Variants in CCNYL1 observed in about 807,000 individuals in gnomAD.
CCNYL1 encodes cyclin-Y-like protein 1.
CCNYL1 carries 16 observed loss-of-function variants against 44.2 expected under a neutral mutation model. That is an observed-to-expected ratio of 0.36 (90% confidence interval 0.25 to 0.55). The LOEUF (loss-of-function observed/expected upper bound fraction) is 0.55. Ranked by LOEUF, CCNYL1 falls within the 20% of genes least tolerant of loss-of-function variation. CCNYL1 has a pLI of 0.85. For missense variants in CCNYL1, 348 were observed against 451.8 expected (o/e 0.77, Z 2.08); for synonymous variants, 159 against 163.2 (o/e 0.97, Z 0.20).
At chr2:207,737,956 T>C (rs1463384481) in intron 5 of CCNYL1, among the ~76,000 whole-genome samples, 2 of 152,304 alleles carry the variant, frequency 1.3e-5, no homozygotes, top group Admixed American at 1.3e-4. Context: ...TACAACTCTC[T>C]AGTGTCCAGC....
chr2:207,725,960 A>G (rs57865159), intron 2 of CCNYL1, among the ~76,000 whole-genome samples: 23,656 of 152,140 alleles, frequency 0.16, 3,039 homozygotes, highest in East Asian at 0.38. Context: ...AAAGCAGGGG[A>G]GTTGTAAGCA....
At position 207,726,825 on chromosome 2, in the gene CCNYL1, AT is replaced by A. The variant is rs57448056; in HGVS notation, c.296-9del. The A allele has an allele frequency of 6.9e-5, 107 of 1,558,056 alleles. No individual in the cohort carries two copies. Among genetic ancestry groups the A allele is most frequent in the Admixed American group, 2.4e-4 (12 of 50,274 alleles). The stretch of plus-strand genomic sequence containing the variant: ...CATTTGTATCAGAATTGATCAGCTA[AT>A]TTTTTTTATTCTTAGTGCGAGAAAA... On this transcript the variant is annotated splice_polypyrimidine_tract_variant and intron_variant, in intron 2 of 9. Coordinates refer to ENST00000295414, the MANE Select transcript of CCNYL1 (RefSeq NM_001330218.2).
chr2:207,730,842 C>G (rs963318729), intron 3 of CCNYL1, among the ~76,000 whole-genome samples: 1 of 152,108 alleles, frequency 6.6e-6, no homozygotes, highest in African/African-American at 2.4e-5. Context: ...ATCCTGTTGC[C>G]TGCTCCTGTG....
Position 207,714,534 on chromosome 2 carries a change from C to T in CCNYL1, c.220+2418C>T, listed in dbSNP as rs150708613. The T allele has an allele frequency of 3.9e-4, 108 of 279,862 alleles. No homozygotes were observed. In the Admixed American group the frequency reaches 5.1e-3, roughly 13 times the overall value. 17.3% of individuals were successfully genotyped at this position (279,862 alleles called of 1,614,324 possible). A position where few individuals can be genotyped will look rare whatever the true frequency, so the allele number is the denominator to read the frequency against. ...AGGTAACAAAATGGCCTAAATATAC[C>T]CATCAAATAAACAGGTTGATAAATT... On this transcript the variant is annotated intron_variant, in intron 1 of 9. Transcript: ENST00000295414.
chr2:207,741,000 A>C (rs1474820959), intron 6 of CCNYL1, among the ~76,000 whole-genome samples: 1 of 152,212 alleles, frequency 6.6e-6, no homozygotes, highest in Non-Finnish European at 1.5e-5. Context: ...TCATGCCTGT[A>C]ATCTCAGCAC....
chr2:207,751,209 A>G, intron 9 of CCNYL1, 90 bp downstream of exon 9: 1 of 1,185,966 alleles, frequency 8.4e-7, no homozygotes. Context: ...GATTAGGAAA[A>G]TGGAAAGCTT....
In CCNYL1 at chr2:207,753,640, G is replaced by A. The variant is rs1235884219; in HGVS notation, c.1022G>A (p.Arg341Lys). Residue 341 changes from arginine (R) to lysine (K), a missense_variant, in exon 10 of 10, where the codon AGG (arginine) becomes AAG (lysine). By Grantham distance (26) the Arg-to-Lys change is conservative (BLOSUM62 2). Coordinates refer to ENST00000295414, the MANE Select transcript of CCNYL1 (RefSeq NM_001330218.2). ...DKDLCRAAMRRSFSADNFIGI... is the reference protein window; with the variant it reads ...DKDLCRAAMRKSFSADNFIGI... ...GACTTGTGTAGAGCCGCTATGAGAA[G>A]GTCTTTCAGTGCTGATAACTTCATT... The A allele has an allele frequency of 6.2e-7, 1 of 1,612,974 alleles. No homozygotes were observed. Among genetic ancestry groups the A allele is most frequent in the Admixed American group, 1.7e-5 (1 of 59,910 alleles).
At chr2:207,719,205 T>G (rs2091620897) in intron 1 of CCNYL1, among the ~76,000 whole-genome samples, 1 of 152,196 alleles carries the variant, frequency 6.6e-6, no homozygotes, top group Admixed American at 6.5e-5. Flanking sequence ...TATTTTGGTA[T>G]GGGCTTTCCA....
chr2:207,749,497 A>G (rs891023271), intron 8 of CCNYL1, among the ~76,000 whole-genome samples: 3 of 152,100 alleles, frequency 2.0e-5, no homozygotes, highest in Admixed American at 2.0e-4. Flanking sequence ...TAGCCATTTA[A>G]AAAAAAACAA....
At chr2:207,751,746 C>T (rs571064048) in intron 9 of CCNYL1, among the ~76,000 whole-genome samples, 13 of 151,462 alleles carry the variant, frequency 8.6e-5, no homozygotes, top group East Asian at 5.8e-4. Context: ...CCCAGCTACT[C>T]GGGAGGCTGA....
rs568424328 is a variant in CCNYL1, at chr2:207,749,954, A to C, written c.807-1003A>C. Among the ~76,000 whole-genome samples the C allele has an allele frequency of 2.6e-5, 4 of 152,334 alleles. No homozygotes were observed. In the East Asian group the frequency reaches 5.8e-4, roughly 22 times the overall value. On this transcript the variant is annotated intron_variant, in intron 8 of 9. Transcript: ENST00000295414. Reference sequence around the variant, plus strand: ...CATTTTTATACAGTTAACTCCTTATAGGGATTACTGTGAAAGTGGTTAAGA... The same window carrying C: ...CATTTTTATACAGTTAACTCCTTATCGGGATTACTGTGAAAGTGGTTAAGA...
At chr2:207,739,147 G>A (rs1022952068) in intron 5 of CCNYL1, among the ~76,000 whole-genome samples, 1 of 152,172 alleles carries the variant, frequency 6.6e-6, no homozygotes, top group African/African-American at 2.4e-5. Flanking sequence ...TCCAAATCCT[G>A]ATTTTTAGTT....
Position 207,753,570 on chromosome 2 carries a change from TTTGA to T in CCNYL1, c.970-13_970-10del, listed in dbSNP as rs757075275. 3.9e-6 allele frequency: 6 copies of T among 1,540,400 alleles called. No individual in the cohort carries two copies. Among genetic ancestry groups the T allele is most frequent in the Non-Finnish European group, 5.4e-6 (6 of 1,117,672 alleles). ...TTTTTAAAATTGTACCTGTTTTCTATTTGATTGACTTTCCTAGGCTATTTCTAGA... is the reference window on the plus strand; with the variant it reads ...TTTTTAAAATTGTACCTGTTTTCTATTTGACTTTCCTAGGCTATTTCTAGA... On this transcript the variant is annotated splice_polypyrimidine_tract_variant and intron_variant, in intron 9 of 9. Coordinates refer to ENST00000295414, the MANE Select transcript of CCNYL1 (RefSeq NM_001330218.2).
chr2:207,719,579 G>A (rs2091623796), intron 1 of CCNYL1, among the ~76,000 whole-genome samples: 3 of 152,156 alleles, frequency 2.0e-5, no homozygotes, highest in Admixed American at 6.6e-5. Flanking sequence ...GGGATTACAG[G>A]TGTGAGCTAC....
At chr2:207,718,065 C>A (rs375373949) in intron 1 of CCNYL1, among the ~76,000 whole-genome samples, 1 of 151,790 alleles carries the variant, frequency 6.6e-6, no homozygotes, top group Non-Finnish European at 1.5e-5. Context: ...CCACCACACC[C>A]GGCTCATTTT....
At chr2:207,737,866 A>G (rs1207416598) in intron 5 of CCNYL1, among the ~76,000 whole-genome samples, 3 of 152,216 alleles carry the variant, frequency 2.0e-5, no homozygotes, top group African/African-American at 7.2e-5. Context: ...TATTGTTAAC[A>G]TAAATAATAT....
chr2:207,723,483 A>T (rs559119157), intron 1 of CCNYL1, among the ~76,000 whole-genome samples: 1 of 152,202 alleles, frequency 6.6e-6, no homozygotes, highest in Non-Finnish European at 1.5e-5. Context: ...AAAGTAGAGC[A>T]ATTATATTAA....
chr2:207,730,552 G>A (rs918577887), intron 3 of CCNYL1, among the ~76,000 whole-genome samples: 8 of 152,152 alleles, frequency 5.3e-5, no homozygotes, highest in South Asian at 2.1e-4. Flanking sequence ...GAGGTCAGGA[G>A]TTCCAGACCA....
At chr2:207,728,475 C>T (rs1198153406) in intron 3 of CCNYL1, among the ~76,000 whole-genome samples, 1 of 151,910 alleles carries the variant, frequency 6.6e-6, no homozygotes. Context: ...GGGGTTTTGC[C>T]CTGTTGCTCA....
Sources: gnomAD v4.1 joint callset for allele counts (sites outside exome capture counted in the v4.1 genomes callset) on GRCh38, gnomAD v4.1.1 for gene constraint, MANE v1.5 for transcripts, NCBI Gene and HGNC (gene_info 2026-07-23, HGNC 2026-07-21) for gene names.